The following WAPL variants were observed in gnomAD, a reference collection of about 807,000 sequenced individuals.
WAPL encodes the protein WAPL cohesin release factor, also known as wings apart-like protein homolog.
In WAPL, 5 loss-of-function variants were observed where a neutral mutation model predicts 121.0. The ratio of observed to expected loss-of-function variants is 0.04; its 90% confidence interval spans 0.02 to 0.09. The LOEUF (loss-of-function observed/expected upper bound fraction) is 0.09. Ranked by LOEUF, WAPL falls within the 10% of genes least tolerant of loss-of-function variation. WAPL has a pLI of 1.00. For missense variants in WAPL, 999 were observed against 1,410.8 expected, an observed-to-expected ratio of 0.71 and a Z score of 4.68; for synonymous variants, 480 against 481.5, an observed-to-expected ratio of 1.00 and a Z score of 0.04.
intron 2 of WAPL, among the ~76,000 whole-genome samples, chr10:86,504,802 A>G (rs1842313160): frequency 6.6e-6 from 1 of 152,146 alleles, no homozygotes; most frequent in African/African-American, 2.4e-5. Context: ...AGCCTGAGCA[A>G]CACAGCGAGG....
rs747934527 is a variant in WAPL, at chr10:86,500,417, T to C, written c.826A>G (p.Asn276Asp). 6.2e-7 allele frequency: 1 copy of C among 1,614,240 alleles called. No homozygotes were observed. The highest frequency in any genetic ancestry group is 8.5e-7 in the Non-Finnish European group (1 of 1,180,042). ...ACAATATCTTCCTCAATGGCTTCAT[T>C]CAGATTTTCCAATCGATTTTTAAAA... ...DDFKNRLENL[N>D]EAIEEDIVQS... Residue 276 changes from asparagine to aspartate, a missense_variant, in exon 3 of 19, where the codon AAT becomes GAT. Asn to Asp is a conservative substitution (Grantham distance 23). Coordinates refer to ENST00000298767, the MANE Select transcript of WAPL (RefSeq NM_015045.5).
chr10:86,506,200 A>C (rs1306671944), intron 2 of WAPL, among the ~76,000 whole-genome samples: 1 of 152,208 alleles, frequency 6.6e-6, no homozygotes, highest in Non-Finnish European at 1.5e-5. Flanking sequence ...GCATTACTGT[A>C]CTCCAGTCTG....
intron 9 of WAPL, among the ~76,000 whole-genome samples, chr10:86,462,059 G>T (rs1384224838): frequency 2.0e-5 from 3 of 152,122 alleles, no homozygotes; most frequent in African/African-American, 7.2e-5. Context: ...GAGTACAAAA[G>T]CTAAGAGCCA....
chr10:86,464,056 T>C (rs955246603), intron 9 of WAPL, among the ~76,000 whole-genome samples: 6 of 152,378 alleles, frequency 3.9e-5, no homozygotes, highest in African/African-American at 1.4e-4. Context: ...AGCATGACTA[T>C]ATTACTATTT....
At position 86,454,774 on chromosome 10, in the gene WAPL, G is replaced by T. The variant is rs1056746142; in HGVS notation, c.2658-943C>A. 4.0e-5 allele frequency among the ~76,000 whole-genome samples: 6 copies of T among 151,568 alleles called. No individual in the cohort carries two copies. In the South Asian group the frequency reaches 1.3e-3, roughly 32 times the overall value. On this transcript the variant is annotated intron_variant, in intron 12 of 18. Coordinates refer to ENST00000298767, the MANE Select transcript of WAPL (RefSeq NM_015045.5). ...AGTGCCTCTTCCCAGCCGCCATCCC[G>T]TCTGGGAAGTGACGAGCGTCTCTGC...
chr10:86,488,178 G>C (rs748169500), intron 4 of WAPL, among the ~76,000 whole-genome samples: 2 of 152,176 alleles, frequency 1.3e-5, no homozygotes, highest in Non-Finnish European at 2.9e-5. Flanking sequence ...TGAACTCATG[G>C]TTCTAAACAT....
In WAPL at chr10:86,512,892, C is replaced by T. The variant is rs1047985878; in HGVS notation, c.499+4679G>A. ...CTATTTTTGTGTGCCTGAAAAGTTT[C>T]ATAATAAACGTTTTCTTCTTGTTTA... is the stretch of plus-strand genomic sequence containing the variant. On this transcript the variant is annotated intron_variant, in intron 2 of 18. Transcript: ENST00000298767. 3.3e-5 allele frequency among the ~76,000 whole-genome samples: 5 copies of T among 152,100 alleles called. No homozygotes were observed. The South Asian group carries it at 1.0e-3, about 32-fold the overall frequency.
At chr10:86,505,300 C>CTTTTTTTTTTTG (rs1842325937) in intron 2 of WAPL, among the ~76,000 whole-genome samples, 1 of 44,638 alleles carries the variant, frequency 2.2e-5, no homozygotes, top group Non-Finnish European at 4.1e-5. Context: ...GTGCCCAACT[C>CTTTTTTTTTTTG]TTTTTTTTTT....
intron 17 of WAPL, among the ~76,000 whole-genome samples, chr10:86,441,455 A>T (rs531262016): frequency 1.5e-4 from 23 of 152,188 alleles, no homozygotes; most frequent in African/African-American, 5.3e-4. Flanking sequence ...ATTGTGACCC[A>T]ATGCTGGCCA....
intron 4 of WAPL, 73 bp downstream of exon 4, chr10:86,497,128 C>T: frequency 8.0e-7 from 1 of 1,253,392 alleles, no homozygotes; most frequent in Non-Finnish European, 1.1e-6. Flanking sequence ...TAGTAACTTT[C>T]AAATAAAAAA....
intron 1 of WAPL, among the ~76,000 whole-genome samples, chr10:86,521,058 C>CT (rs1000404054): frequency 1.3e-5 from 2 of 152,142 alleles, no homozygotes; most frequent in African/African-American, 4.8e-5. Flanking sequence ...CCACCGAATC[C>CT]TTAAGGCAGT....
chr10:86,508,044 AGAG>A (rs1426195966), intron 2 of WAPL, among the ~76,000 whole-genome samples: 1 of 152,212 alleles, frequency 6.6e-6, no homozygotes, highest in African/African-American at 2.4e-5. Flanking sequence ...GGGGCCTACT[AGAG>A]GAGGAGGAAA....
At chr10:86,519,149 T>C (rs1328446455) in intron 1 of WAPL, among the ~76,000 whole-genome samples, 1 of 151,950 alleles carries the variant, frequency 6.6e-6, no homozygotes, top group Non-Finnish European at 1.5e-5. Flanking sequence ...AAAAAATCTT[T>C]AGGGCAGTAA....
chr10:86,457,327 TAAA>T (rs10668599), intron 12 of WAPL, among the ~76,000 whole-genome samples: 10 of 111,228 alleles, frequency 9.0e-5, no homozygotes, highest in Non-Finnish European at 1.7e-4. Flanking sequence ...CTGTATCTAT[TAAA>T]AAAAAAAAAA....
At chr10:86,454,893 G>A (rs1399174947) in intron 12 of WAPL, among the ~76,000 whole-genome samples, 4 of 150,780 alleles carry the variant, frequency 2.7e-5, no homozygotes, top group African/African-American at 9.8e-5. Context: ...CCGCCACCCC[G>A]TCTGGGAGGT....
At chr10:86,477,491 A>C (rs1212555560) in intron 4 of WAPL, among the ~76,000 whole-genome samples, 1 of 152,120 alleles carries the variant, frequency 6.6e-6, no homozygotes, top group East Asian at 1.9e-4. Flanking sequence ...AATCTTCTTA[A>C]TTTTATTCTT....
At position 86,453,772 on chromosome 10, in the gene WAPL, C is replaced by G. The variant is rs200638437; in HGVS notation, c.2717G>C (p.Cys906Ser). 328 of 1,614,010 alleles carry G rather than the reference C, an allele frequency of 2.0e-4. No individual in the cohort carries two copies. Among genetic ancestry groups the G allele is most frequent in the Admixed American group, 3.0e-4 (18 of 59,984 alleles). ...QQYNRAEDSI[C>S]LADSKPLPHQ... ...AGGCAGAGGCTTACTGTCAGCTAAG[C>G]ATATGCTGTCCTCAGCACGGTTGTA... is the stretch of plus-strand genomic sequence containing the variant. The change falls in exon 13 of 19, where the codon TGC becomes TCC. Residue 906 changes from cysteine (C) to serine (S), a missense_variant. Cys to Ser is a moderately radical substitution (Grantham distance 112). This residue lies in a region of WAPL where 85 missense variants were observed against 133.5 expected (regional missense o/e 0.64). Coordinates refer to ENST00000298767, the MANE Select transcript of WAPL (RefSeq NM_015045.5).
intron 4 of WAPL, among the ~76,000 whole-genome samples, chr10:86,495,888 GT>G (rs1170209483): frequency 6.6e-6 from 1 of 152,220 alleles, no homozygotes; most frequent in Non-Finnish European, 1.5e-5. Flanking sequence ...ACCGAGGCAA[GT>G]GTATCACCTG....
In WAPL at chr10:86,517,806, A is replaced by G. The variant is rs746711392; in HGVS notation, c.264T>C (p.Asn88=). 3.1e-6 allele frequency: 5 copies of G among 1,614,094 alleles called. No homozygotes were observed. The highest frequency in any genetic ancestry group is 1.6e-4 in the Middle Eastern group (1 of 6,082). The change falls in exon 2 of 19, where the codon AAT becomes AAC. Residue 88 remains asparagine (N), a synonymous_variant. Transcript: ENST00000298767. ...AAGAGGAACACTTAACCTGGGCTAA[A>G]TTCTTTGAAGAAACTGGTAGAGACT... ...DDESLPVSSK[N]LAQVKCSSYS...
Sources: gnomAD v4.1 joint callset for allele counts (sites outside exome capture counted in the v4.1 genomes callset) on GRCh38, gnomAD v4.1.1 for gene constraint, gnomAD v4.1.1 regional missense constraint, MANE v1.5 for transcripts, NCBI Gene and HGNC (gene_info 2026-07-23, HGNC 2026-07-21) for gene names.